CCDC88A: variants seen among roughly 807,000 people sequenced by gnomAD.
CCDC88A encodes the protein girdin.
CCDC88A carries 54 observed loss-of-function variants against 234.3 expected under a neutral mutation model. That is an observed-to-expected ratio of 0.23 (90% CI 0.19 to 0.29). The LOEUF is 0.29. Among genes scored for constraint, CCDC88A ranks in the 10% least tolerant of loss-of-function variants. The probability of loss-of-function intolerance (pLI) is 1.00; values close to 1 mark genes in which losing one functional copy is unlikely to be tolerated. For synonymous variants in CCDC88A, 753 were observed against 737.8 expected, an observed-to-expected ratio of 1.02 and a Z score of -0.33; for missense variants, 1,832 against 2,123.4, an observed-to-expected ratio of 0.86 and a Z score of 2.70.
At position 55,288,012 on chromosome 2, in the gene CCDC88A, C is replaced by T. The variant is rs950558189; in HGVS notation, c.*3188G>A. 14 of 152,644 alleles carry T rather than the reference C, an allele frequency of 9.2e-5. 1 individual carries two copies. Among genetic ancestry groups the T allele is most frequent in the African/African-American group, 3.4e-4 (14 of 41,550 alleles). 9.5% of individuals were successfully genotyped at this position (152,644 alleles called of 1,614,324 possible). On this transcript the variant is annotated 3_prime_UTR_variant, in exon 33 of 33. Transcript: ENST00000436346. Reference sequence around the variant, plus strand: ...TGCCTGTGACTGACATCAGGTATTGCCAAGTAATAAACATTTTGCCATTCA... The same window carrying T: ...TGCCTGTGACTGACATCAGGTATTGTCAAGTAATAAACATTTTGCCATTCA...
In CCDC88A at chr2:55,398,828, G is replaced by A. The variant is rs979637838; in HGVS notation, c.165-9942C>T. ...TGCAGTGGACTGTGATTATACCATCGCACTCCCACCTGGGTGACAGAGCAA... is the reference window on the plus strand; with the variant it reads ...TGCAGTGGACTGTGATTATACCATCACACTCCCACCTGGGTGACAGAGCAA... On this transcript the variant is annotated intron_variant, in intron 2 of 32. Coordinates refer to ENST00000436346, the MANE Select transcript of CCDC88A (RefSeq NM_001365480.1). Among the ~76,000 whole-genome samples the A allele has an allele frequency of 4.0e-5, 6 of 150,640 alleles. No individual in the cohort carries two copies. The East Asian group carries it at 5.8e-4, about 15-fold the overall frequency.
chr2:55,385,749 G>C (rs900958838), intron 3 of CCDC88A, among the ~76,000 whole-genome samples: 4 of 146,878 alleles, frequency 2.7e-5, no homozygotes, highest in Non-Finnish European at 6.0e-5. Context: ...GCTACTCAGG[G>C]GCCTGAGGCA....
intron 5 of CCDC88A, among the ~76,000 whole-genome samples, chr2:55,367,525 C>CTTTTTTTTTTTTTTTTTTTTTTTTTTT (rs1262914627): frequency 6.3e-4 from 21 of 33,592 alleles, no homozygotes; most frequent in African/African-American, 3.9e-3. Flanking sequence ...GTTTTATTTC[C>CTTTTTTTTTTTTTTTTTTTTTTTTTTT]TTGTTTTTTT....
chr2:55,296,242 C>A lies in CCDC88A; in HGVS notation c.5091+16G>T. ...TGGTGTTCATCTAAATTAAGGTCAT[C>A]ATAGATAAAACTAACCTGTACTGAG... On this transcript the variant is annotated intron_variant, in intron 30 of 32. Transcript: ENST00000436346. The A allele has an allele frequency of 6.2e-7, 1 of 1,607,490 alleles. No individual in the cohort carries two copies.
chr2:55,366,860 G>C (rs1672050148), intron 5 of CCDC88A, among the ~76,000 whole-genome samples: 1 of 152,106 alleles, frequency 6.6e-6, no homozygotes, highest in Non-Finnish European at 1.5e-5. Flanking sequence ...ACACATTATA[G>C]TGTTTTAAAT....
chr2:55,410,623 G>A (rs1402179687), intron 2 of CCDC88A, among the ~76,000 whole-genome samples: 5 of 152,062 alleles, frequency 3.3e-5, no homozygotes, highest in African/African-American at 4.8e-5. Context: ...ACTGGCTCAC[G>A]CCTCTAATCT....
chr2:55,363,849 G>C, intron 6 of CCDC88A, 101 bp downstream of exon 6: 1 of 590,476 alleles, frequency 1.7e-6, no homozygotes, highest in Non-Finnish European at 2.9e-6. Flanking sequence ...TTGTTGATTT[G>C]TTCTTGCTTA....
At chr2:55,326,619 G>C (rs866948512) in intron 17 of CCDC88A, among the ~76,000 whole-genome samples, 1 of 152,154 alleles carries the variant, frequency 6.6e-6, no homozygotes, top group Non-Finnish European at 1.5e-5. Context: ...CTGGAGTGCA[G>C]TGGCAGGATG....
chr2:55,360,963 C>T (rs960553007), intron 7 of CCDC88A, among the ~76,000 whole-genome samples: 1 of 152,166 alleles, frequency 6.6e-6, no homozygotes, highest in Admixed American at 6.5e-5. Flanking sequence ...GTGGCGCGTG[C>T]CTGTAATCCC....
intron 2 of CCDC88A, among the ~76,000 whole-genome samples, chr2:55,413,633 G>A (rs1383853141): frequency 6.6e-6 from 1 of 152,094 alleles, no homozygotes; most frequent in African/African-American, 2.4e-5. Context: ...AGAGACAAAA[G>A]ATAGAGTCCC....
rs1558746204 is a variant in CCDC88A, at chr2:55,364,044, T to C, written c.403-11A>G. The C allele has an allele frequency of 1.5e-6, 2 of 1,310,962 alleles. No homozygotes were observed. The highest frequency in any genetic ancestry group is 2.1e-4 in the Middle Eastern group (1 of 4,770). 81.2% of individuals were successfully genotyped at this position (1,310,962 alleles called of 1,614,324 possible). ...CTCTTTTTTCTGACACTAAAATAAA[T>C]GAATAAAATAGTTATTCATACTTTA... On this transcript the variant is annotated splice_polypyrimidine_tract_variant and intron_variant, in intron 5 of 32. Coordinates refer to ENST00000436346, the MANE Select transcript of CCDC88A (RefSeq NM_001365480.1).
At chr2:55,312,031 C>A (rs918631037) in intron 23 of CCDC88A, among the ~76,000 whole-genome samples, 2 of 152,164 alleles carry the variant, frequency 1.3e-5, no homozygotes, top group Non-Finnish European at 2.9e-5. Context: ...TATTGCAGCT[C>A]TCCTGGGCTG....
At chr2:55,371,623 C>T (rs1672860515) in intron 5 of CCDC88A, among the ~76,000 whole-genome samples, 1 of 152,088 alleles carries the variant, frequency 6.6e-6, no homozygotes, top group East Asian at 1.9e-4. Context: ...GGGACAGTCC[C>T]AGTTTACACA....
At chr2:55,336,575 T>C in intron 14 of CCDC88A, 106 bp downstream of exon 14, 2 of 665,910 alleles carry the variant, frequency 3.0e-6, no homozygotes, top group Non-Finnish European at 4.7e-6. Context: ...AATTCTAAAA[T>C]ATTTCCCTTT....
intron 3 of CCDC88A, among the ~76,000 whole-genome samples, chr2:55,387,051 C>T (rs1675763416): frequency 6.6e-6 from 1 of 151,250 alleles, no homozygotes; most frequent in South Asian, 2.1e-4. Flanking sequence ...GTAGTGGGCA[C>T]CTGTAATCCC....
chr2:55,304,233 G>A (rs1681254521), intron 25 of CCDC88A, among the ~76,000 whole-genome samples: 1 of 152,302 alleles, frequency 6.6e-6, no homozygotes, highest in East Asian at 1.9e-4. Context: ...AGGAGTTCAA[G>A]GCTATAGTGA....
intron 17 of CCDC88A, among the ~76,000 whole-genome samples, chr2:55,325,482 C>T (rs566549241): frequency 6.6e-6 from 1 of 152,282 alleles, no homozygotes; most frequent in African/African-American, 2.4e-5. Context: ...TGAAGAAAGA[C>T]ATTTTTACTT....
intron 28 of CCDC88A, 123 bp from the exon 29 acceptor site, chr2:55,300,042 T>C: frequency 1.5e-6 from 1 of 688,780 alleles, no homozygotes. Flanking sequence ...AAGATGAGCA[T>C]GCCCAGATTA....
At chr2:55,376,830 C>T (rs2104838159) in intron 3 of CCDC88A, among the ~76,000 whole-genome samples, 1 of 152,150 alleles carries the variant, frequency 6.6e-6, no homozygotes, top group South Asian at 2.1e-4. Context: ...TAAATTTCTG[C>T]TTCATTCAAT....
Sources: allele counts gnomAD v4.1 joint callset (sites outside exome capture counted in the v4.1 genomes callset), GRCh38; gene constraint gnomAD v4.1.1; transcripts MANE v1.5; gene names NCBI Gene and HGNC (gene_info 2026-07-23, HGNC 2026-07-21).